NALF1: variants seen among roughly 807,000 people sequenced by gnomAD.
NALF1 encodes the protein family with sequence similarity 155 member A.
In NALF1, 3 loss-of-function variants were observed where a neutral mutation model predicts 48.4. The ratio of observed to expected loss-of-function variants is 0.06; its 90% CI spans 0.03 to 0.16. The LOEUF (loss-of-function observed/expected upper bound fraction) is 0.16. NALF1 is among the 10% of genes least tolerant of loss of function. The pLI, the probability that NALF1 is intolerant of heterozygous loss-of-function variation, is 1.00. For synonymous variants in NALF1, 262 were observed against 245.7 expected (o/e 1.07, Z -0.62); for missense variants, 526 against 571.5 (o/e 0.92, Z 0.81).
chr13:107,232,707 T>A (rs7320622), intron 1 of NALF1, among the ~76,000 whole-genome samples: 4,664 of 152,252 alleles, frequency 0.031, 190 homozygotes, highest in African/African-American at 0.095. Flanking sequence ...TGCGGAAGAC[T>A]CAGAAACAGG....
intron 1 of NALF1, among the ~76,000 whole-genome samples, chr13:107,482,274 C>A (rs1885265632): frequency 6.6e-6 from 1 of 152,084 alleles, no homozygotes; most frequent in Non-Finnish European, 1.5e-5. Flanking sequence ...GCCTCCCCTG[C>A]AGATTGAGGA....
At chr13:107,383,206 A>C (rs990183942) in intron 1 of NALF1, among the ~76,000 whole-genome samples, 7 of 152,226 alleles carry the variant, frequency 4.6e-5, no homozygotes, top group Non-Finnish European at 1.0e-4. Context: ...ACAATAGCTG[A>C]AGGTATTATG....
At chr13:107,540,219 A>T (rs1221868734) in intron 1 of NALF1, among the ~76,000 whole-genome samples, 1 of 152,080 alleles carries the variant, frequency 6.6e-6, no homozygotes, top group Non-Finnish European at 1.5e-5. Context: ...GTATAGTAGG[A>T]ATAGGATTTT....
At chr13:107,216,900 AC>A in intron 1 of NALF1, among the ~76,000 whole-genome samples, 1 of 152,252 alleles carries the variant, frequency 6.6e-6, no homozygotes, top group East Asian at 1.9e-4. Flanking sequence ...AAGCAGATCA[AC>A]TCGGCTGTGC....
At chr13:107,851,938 A>T (rs1229058736) in intron 1 of NALF1, among the ~76,000 whole-genome samples, 1 of 149,122 alleles carries the variant, frequency 6.7e-6, no homozygotes, top group Non-Finnish European at 1.5e-5. Flanking sequence ...TCCCCCATGT[A>T]GCTTGGACTC....
chr13:107,611,483 T>C (rs911783125), intron 1 of NALF1, among the ~76,000 whole-genome samples: 2 of 112,942 alleles, frequency 1.8e-5, no homozygotes, highest in Admixed American at 1.8e-4. Flanking sequence ...ATAAATAACA[T>C]GGAATATTAT....
At chr13:107,516,394 A>G (rs1330777139) in intron 1 of NALF1, among the ~76,000 whole-genome samples, 2 of 152,206 alleles carry the variant, frequency 1.3e-5, no homozygotes, top group African/African-American at 4.8e-5. Context: ...CATATTAACA[A>G]TCAACCAACA....
rs113757144 is a variant in NALF1, at chr13:107,279,550, C to T, written c.916-68795G>A. On this transcript the variant is annotated intron_variant, in intron 1 of 2. Transcript: ENST00000375915. ...GGATTACAGGCCTGAGCCACCGCAC[C>T]CGGTGATGCCTCAACCATTTCTAAA... 3.3e-3 allele frequency among the ~76,000 whole-genome samples: 505 copies of T among 151,932 alleles called. 3 individuals carry two copies. The highest frequency in any genetic ancestry group is 0.011 in the African/African-American group (474 of 41,444).
chr13:107,705,975 G>C (rs776619387), intron 1 of NALF1, among the ~76,000 whole-genome samples: 1 of 152,122 alleles, frequency 6.6e-6, no homozygotes, highest in Non-Finnish European at 1.5e-5. Flanking sequence ...TAGACTCTTT[G>C]AGCTTAGTGG....
chr13:107,212,719 T>A (rs959197507), intron 1 of NALF1, among the ~76,000 whole-genome samples: 2 of 152,230 alleles, frequency 1.3e-5, no homozygotes, highest in African/African-American at 4.8e-5. Flanking sequence ...TAAGCTGTAG[T>A]ATAGGAATGA....
intron 1 of NALF1, among the ~76,000 whole-genome samples, chr13:107,325,052 A>G (rs1485007765): frequency 6.6e-6 from 1 of 152,188 alleles, no homozygotes; most frequent in East Asian, 1.9e-4. Context: ...AAGGCAGTCT[A>G]TTCAATCAAG....
chr13:107,535,041 T>C (rs1356498101), intron 1 of NALF1, among the ~76,000 whole-genome samples: 1 of 152,168 alleles, frequency 6.6e-6, no homozygotes, highest in African/African-American at 2.4e-5. Context: ...TTTTGTATCC[T>C]GAGACTTTGC....
chr13:107,303,189 C>A (rs1408840287), intron 1 of NALF1, among the ~76,000 whole-genome samples: 1 of 151,910 alleles, frequency 6.6e-6, no homozygotes, highest in African/African-American at 2.4e-5. Context: ...TGTGTATCTT[C>A]TTTGGAGAAA....
Position 107,316,560 on chromosome 13 carries a change from T to C in NALF1, c.916-105805A>G, listed in dbSNP as rs566957680. On this transcript the variant is annotated intron_variant, in intron 1 of 2. Transcript: ENST00000375915. ...TTCTCCACATCCTCTCCAGCACTTG[T>C]TGTTTCCTGACTTTTTAATGATGGC... 5.9e-3 allele frequency among the ~76,000 whole-genome samples: 897 copies of C among 152,298 alleles called. 4 individuals are homozygous for C. The highest frequency in any genetic ancestry group is 8.0e-3 in the Non-Finnish European group (545 of 68,028).
intron 1 of NALF1, among the ~76,000 whole-genome samples, chr13:107,573,390 C>T (rs1878046979): frequency 6.6e-6 from 1 of 151,960 alleles, no homozygotes; most frequent in South Asian, 2.1e-4. Context: ...GGAATAAGAA[C>T]ACCCACAGTA....
chr13:107,274,557 G>A (rs1415354502), intron 1 of NALF1, among the ~76,000 whole-genome samples: 1 of 152,062 alleles, frequency 6.6e-6, no homozygotes, highest in Non-Finnish European at 1.5e-5. Flanking sequence ...ACGAGACCTT[G>A]TCTCTAAAGT....
intron 1 of NALF1, among the ~76,000 whole-genome samples, chr13:107,600,455 T>A (rs151136099): frequency 7.7e-6 from 1 of 129,120 alleles, no homozygotes; most frequent in African/African-American, 2.9e-5. Context: ...TAATGTCTTT[T>A]AAAAAATGGC....
intron 1 of NALF1, among the ~76,000 whole-genome samples, chr13:107,272,896 A>G (rs1881205403): frequency 6.6e-6 from 1 of 152,228 alleles, no homozygotes; most frequent in Non-Finnish European, 1.5e-5. Context: ...ATAAACTACA[A>G]TATAAAAATG....
At chr13:107,339,008 C>A (rs1882616572) in intron 1 of NALF1, among the ~76,000 whole-genome samples, 1 of 151,850 alleles carries the variant, frequency 6.6e-6, no homozygotes, top group African/African-American at 2.4e-5. Flanking sequence ...GTGGCAGGTG[C>A]CTGTAGTTCC....
Sources: gnomAD v4.1 joint callset for allele counts (sites outside exome capture counted in the v4.1 genomes callset) on GRCh38, gnomAD v4.1.1 for gene constraint, MANE v1.5 for transcripts, NCBI Gene and HGNC (gene_info 2026-07-23, HGNC 2026-07-21) for gene names.